Variants in CFAP52 observed in about 807,000 individuals in gnomAD.
CFAP52 encodes cilia and flagella associated protein 52.
A neutral mutation model predicts 70.5 loss-of-function variants in CFAP52; 57 were observed. The observed-to-expected ratio is 0.81, with a 90% CI of 0.65 to 1.01. The LOEUF is 1.01. CFAP52 is among the 50% of genes least tolerant of loss of function. The pLI, the probability that CFAP52 is intolerant of heterozygous loss-of-function variation, is 0.00. For missense variants in CFAP52, 785 were observed against 788.5 expected, an observed-to-expected ratio of 1.00 and a Z score of 0.05; for synonymous variants, 267 against 292.5, an observed-to-expected ratio of 0.91 and a Z score of 0.89.
At chr17:9,630,506 T>C (rs1429838390) in intron 9 of CFAP52, among the ~76,000 whole-genome samples, 2 of 148,166 alleles carry the variant, frequency 1.3e-5, no homozygotes, top group African/African-American at 2.5e-5. Flanking sequence ...CTCGGCTCAC[T>C]GCAAGCTCCG....
chr17:9,609,171 A>C (rs1298502906), intron 7 of CFAP52, among the ~76,000 whole-genome samples: 1 of 152,194 alleles, frequency 6.6e-6, no homozygotes, highest in African/African-American at 2.4e-5. Context: ...ATCTGTGTTG[A>C]ACATTCACGG....
rs374339508 is a variant in CFAP52, at chr17:9,628,787, G to C, written c.1141G>C (p.Asp381His). 1 of 1,614,102 alleles carries C rather than the reference G, an allele frequency of 6.2e-7. No individual in the cohort carries two copies. The highest frequency in any genetic ancestry group is 1.1e-5 in the South Asian group (1 of 91,080). ...TVPNMTCHGI[D>H]FMRDGKSIIS... is the part of the protein sequence containing the mutation. Reference sequence around the variant, plus strand: ...GCCCAACATGACCTGCCACGGCATCGACTTCATGAGGGACGGCAAAAGCAT... The same window carrying C: ...GCCCAACATGACCTGCCACGGCATCCACTTCATGAGGGACGGCAAAAGCAT... Residue 381 changes from aspartate to histidine, a missense_variant, in exon 9 of 14, where the codon GAC becomes CAC. Coordinates refer to ENST00000352665, the MANE Select transcript of CFAP52 (RefSeq NM_145054.5).
chr17:9,582,471 C>T (rs1427149619), intron 1 of CFAP52, among the ~76,000 whole-genome samples: 3 of 152,184 alleles, frequency 2.0e-5, no homozygotes, highest in Non-Finnish European at 4.4e-5. Flanking sequence ...ACTGGCTATC[C>T]ATATCCTTTG....
At chr17:9,624,426 C>T (rs1910164145) in intron 8 of CFAP52, among the ~76,000 whole-genome samples, 1 of 151,816 alleles carries the variant, frequency 6.6e-6, no homozygotes, top group African/African-American at 2.4e-5. Flanking sequence ...GATTTTTCAC[C>T]ATCTCCAATC....
intron 7 of CFAP52, among the ~76,000 whole-genome samples, chr17:9,608,938 TG>T (rs1909613598): frequency 6.6e-6 from 1 of 152,134 alleles, no homozygotes; most frequent in South Asian, 2.1e-4. Flanking sequence ...TATTAGCACA[TG>T]GTCCAGATAA....
chr17:9,600,004 G>T (rs1051691609), intron 5 of CFAP52, 63 bp from the exon 6 acceptor site: 1 of 1,427,434 alleles, frequency 7.0e-7, no homozygotes, highest in Non-Finnish European at 9.9e-7. Flanking sequence ...GCCTCCCAAA[G>T]TGCTGATATT....
At chr17:9,604,864 C>A (rs1043972643) in intron 6 of CFAP52, among the ~76,000 whole-genome samples, 1 of 151,878 alleles carries the variant, frequency 6.6e-6, no homozygotes, top group Admixed American at 6.6e-5. Flanking sequence ...TTATATCAGC[C>A]GGGAAATGTA....
Position 9,581,984 on chromosome 17 carries a change from T to A in CFAP52, c.71-3789T>A, listed in dbSNP as rs914807203. 5.3e-5 allele frequency among the ~76,000 whole-genome samples: 8 copies of A among 152,238 alleles called. No homozygotes were observed. In the East Asian group the frequency reaches 1.5e-3, roughly 29 times the overall value. ...CCCATTTTTCAAGTGTGACCCAAAC[T>A]TCCTGCCAGTTGTGTGAGCAATATG... On this transcript the variant is annotated intron_variant, in intron 1 of 13. Coordinates refer to ENST00000352665, the MANE Select transcript of CFAP52 (RefSeq NM_145054.5).
Position 9,586,847 on chromosome 17 carries a change from A to C in CFAP52, c.407+13A>C, listed in dbSNP as rs755926528. On this transcript the variant is annotated intron_variant, in intron 3 of 13. Coordinates refer to ENST00000352665, the MANE Select transcript of CFAP52 (RefSeq NM_145054.5). ...CAGATGACGGAAGGTAATGAACTAA[A>C]CATAGTTACTTATTTTCTTTATTTT... 2.8e-5 allele frequency: 44 copies of C among 1,572,970 alleles called. No individual in the cohort carries two copies. The highest frequency in any genetic ancestry group is 1.4e-5 in the African/African-American group (1 of 72,268).
chr17:9,597,831 AAG>A (rs1384241632), intron 4 of CFAP52, among the ~76,000 whole-genome samples: 1 of 131,694 alleles, frequency 7.6e-6, no homozygotes, highest in Non-Finnish European at 1.6e-5. Flanking sequence ...GAGAGAGAGA[AAG>A]AGAGAAAGAG....
At chr17:9,604,975 C>T (rs1271645227) in intron 6 of CFAP52, among the ~76,000 whole-genome samples, 1 of 152,116 alleles carries the variant, frequency 6.6e-6, no homozygotes, top group African/African-American at 2.4e-5. Flanking sequence ...GCAGTGAGTA[C>T]TATTGTTCAT....
rs558671500 is a variant in CFAP52 at position 9,595,541 on chromosome 17, T to C, written c.536+1220T>C. On this transcript the variant is annotated intron_variant, in intron 4 of 13. Coordinates refer to ENST00000352665, the MANE Select transcript of CFAP52 (RefSeq NM_145054.5). The stretch of plus-strand genomic sequence containing the variant: ...GCAGAGTGATTTGACTAAGCCAGGG[T>C]TTTATAGGGTTCTTTCTGCTCCTTC... 2.0e-5 allele frequency among the ~76,000 whole-genome samples: 3 copies of C among 152,136 alleles called. No individual in the cohort carries two copies. The South Asian group carries it at 6.2e-4, about 32-fold the overall frequency.
At chr17:9,605,839 T>C (rs912773618) in intron 6 of CFAP52, among the ~76,000 whole-genome samples, 2 of 152,038 alleles carry the variant, frequency 1.3e-5, no homozygotes, top group Non-Finnish European at 2.9e-5. Flanking sequence ...ATGTTGCTAT[T>C]AATTTGTCCA....
At chr17:9,600,429 G>C (rs550425884) in intron 6 of CFAP52, among the ~76,000 whole-genome samples, 1 of 152,108 alleles carries the variant, frequency 6.6e-6, no homozygotes, top group African/African-American at 2.4e-5. Context: ...TTTTAGTACA[G>C]ACAGGGTTTC....
chr17:9,598,297 A>G lies in CFAP52; in HGVS notation c.600A>G (p.Gln200=), dbSNP rs199655962. Reference sequence around the variant, plus strand: ...GAAAAATCTGGCCAACTGAGTGCCAAACAGGACAGTTGAAAAGAATAGTCA... The same window carrying G: ...GAAAAATCTGGCCAACTGAGTGCCAGACAGGACAGTTGAAAAGAATAGTCA... ...PNRKIWPTEC[Q]TGQLKRIVMS... Residue 200 remains glutamine, a synonymous_variant, in exon 5 of 14, where the codon CAA becomes CAG. Coordinates refer to ENST00000352665, the MANE Select transcript of CFAP52 (RefSeq NM_145054.5). 16 of 1,613,526 alleles carry G rather than the reference A, an allele frequency of 9.9e-6. No individual in the cohort carries two copies. The highest frequency in any genetic ancestry group is 7.6e-6 in the Non-Finnish European group (9 of 1,179,978).
chr17:9,630,789 C>G (rs1910444669), intron 9 of CFAP52, among the ~76,000 whole-genome samples: 1 of 150,102 alleles, frequency 6.7e-6, no homozygotes, highest in Non-Finnish European at 1.5e-5. Context: ...AGTTTGAGAA[C>G]AGCCTGACCA....
intron 6 of CFAP52, among the ~76,000 whole-genome samples, chr17:9,602,303 T>G (rs1909304926): frequency 6.6e-6 from 1 of 152,110 alleles, no homozygotes; most frequent in African/African-American, 2.4e-5. Context: ...GGCCCCGGTG[T>G]GTGATGTTCC....
chr17:9,583,412 CAAG>C (rs1908309920), intron 1 of CFAP52, among the ~76,000 whole-genome samples: 2 of 151,758 alleles, frequency 1.3e-5, no homozygotes, highest in African/African-American at 4.8e-5. Context: ...CATTTAAGAA[CAAG>C]AAGATTATAT....
chr17:9,594,076 G>A (rs955905461), intron 3 of CFAP52, 117 bp from the exon 4 acceptor site: 16 of 1,413,506 alleles, frequency 1.1e-5, no homozygotes, highest in East Asian at 9.9e-5. Context: ...TTTGTTGTTC[G>A]TTTTTAAGTA....
Sources: gnomAD v4.1 joint callset for allele counts (sites outside exome capture counted in the v4.1 genomes callset) on GRCh38, gnomAD v4.1.1 for gene constraint, MANE v1.5 for transcripts, NCBI Gene and HGNC (gene_info 2026-07-23, HGNC 2026-07-21) for gene names.